Variants in EPHA5 observed in about 807,000 individuals in gnomAD.
The protein encoded by EPHA5 is EPH receptor A5, also known as ephrin type-A receptor 5.
EPHA5 carries 60 observed loss-of-function variants against 105.0 expected under a neutral mutation model. The observed-to-expected ratio is 0.57, with a 90% CI of 0.46 to 0.71. The LOEUF is 0.71. Among genes scored for constraint, EPHA5 ranks in the 30% least tolerant of loss-of-function variants. EPHA5 has a pLI of 0.00. For synonymous variants in EPHA5, 513 were observed against 449.1 expected (o/e 1.14, Z -1.80); for missense variants, 1,218 against 1,274.7 (o/e 0.96, Z 0.68).
intron 9 of EPHA5, among the ~76,000 whole-genome samples, chr4:65,366,266 A>G (rs1383409936): frequency 1.3e-5 from 2 of 151,834 alleles, no homozygotes; most frequent in Non-Finnish European, 2.9e-5. Context: ...AGAAATGCAT[A>G]TGTGATGACA....
At chr4:65,389,451 T>C (rs28447587) in intron 8 of EPHA5, among the ~76,000 whole-genome samples, 1 of 152,016 alleles carries the variant, frequency 6.6e-6, no homozygotes, top group Non-Finnish European at 1.5e-5. Flanking sequence ...TGTGTAATAT[T>C]TCTCCATATT....
chr4:65,542,771 A>AG (rs1369251226), intron 3 of EPHA5, among the ~76,000 whole-genome samples: 1 of 151,160 alleles, frequency 6.6e-6, no homozygotes, highest in Non-Finnish European at 1.5e-5. Context: ...ACAACAAAGA[A>AG]AAAAAAAACT....
chr4:65,648,861 C>CTAA (rs1748354137), intron 1 of EPHA5, among the ~76,000 whole-genome samples: 1 of 152,144 alleles, frequency 6.6e-6, no homozygotes, highest in Non-Finnish European at 1.5e-5. Context: ...TGCTTTCAGG[C>CTAA]TAAATTTTGT....
intron 5 of EPHA5, among the ~76,000 whole-genome samples, chr4:65,456,555 T>A (rs1204430359): frequency 6.6e-6 from 1 of 152,166 alleles, no homozygotes; most frequent in Non-Finnish European, 1.5e-5. Flanking sequence ...GCTGCTTAAT[T>A]TATGATAGGA....
intron 3 of EPHA5, among the ~76,000 whole-genome samples, chr4:65,523,658 A>C (rs935102718): frequency 1.3e-5 from 2 of 152,008 alleles, no homozygotes; most frequent in East Asian, 3.9e-4. Context: ...GAAACCAGGA[A>C]CTATCAGTGA....
chr4:65,398,168 C>T (rs997003978), intron 8 of EPHA5, among the ~76,000 whole-genome samples: 6 of 152,188 alleles, frequency 3.9e-5, no homozygotes, highest in Non-Finnish European at 7.3e-5. Context: ...TCAGAAGGGC[C>T]TGTTACCACT....
At chr4:65,641,150 T>C (rs547930131) in intron 2 of EPHA5, among the ~76,000 whole-genome samples, 2 of 152,106 alleles carry the variant, frequency 1.3e-5, no homozygotes, top group Admixed American at 6.6e-5. Flanking sequence ...CTGGGAAGAG[T>C]CTCCTACTTC....
At chr4:65,485,759 G>A (rs575731748) in intron 5 of EPHA5, among the ~76,000 whole-genome samples, 2 of 152,240 alleles carry the variant, frequency 1.3e-5, no homozygotes, top group African/African-American at 2.4e-5. Flanking sequence ...TTGGAATGCA[G>A]AGAGAAATAC....
At chr4:65,579,154 T>A (rs1741354489) in intron 3 of EPHA5, among the ~76,000 whole-genome samples, 1 of 151,522 alleles carries the variant, frequency 6.6e-6, no homozygotes, top group Non-Finnish European at 1.5e-5. Flanking sequence ...CAAAAAGGCT[T>A]ATGGAAATTA....
chr4:65,391,228 G>T (rs2148955991), intron 8 of EPHA5, among the ~76,000 whole-genome samples: 1 of 152,136 alleles, frequency 6.6e-6, no homozygotes, highest in Non-Finnish European at 1.5e-5. Flanking sequence ...TGAGATTTGG[G>T]TGGGGACACA....
chr4:65,637,457 T>G (rs1238946927), intron 2 of EPHA5, among the ~76,000 whole-genome samples: 1 of 151,250 alleles, frequency 6.6e-6, no homozygotes, highest in Non-Finnish European at 1.5e-5. Flanking sequence ...CTCCTGCCTC[T>G]GGCTTCCTGA....
intron 12 of EPHA5, among the ~76,000 whole-genome samples, 199 bp from the exon 13 acceptor site, chr4:65,351,797 C>T (rs1722845428): frequency 6.6e-6 from 1 of 151,926 alleles, no homozygotes; most frequent in Non-Finnish European, 1.5e-5. Context: ...TTGGTCAAAG[C>T]AGATAAAGGT....
intron 5 of EPHA5, among the ~76,000 whole-genome samples, chr4:65,442,818 T>A (rs973970837): frequency 6.6e-6 from 1 of 152,164 alleles, no homozygotes; most frequent in Non-Finnish European, 1.5e-5. Flanking sequence ...ATAGTCATTA[T>A]GAATTGACAG....
At chr4:65,331,702 A>C in intron 16 of EPHA5, 1 of 1,167,238 alleles carries the variant, frequency 8.6e-7, no homozygotes, top group Non-Finnish European at 1.1e-6. Flanking sequence ...TTTCCACAAC[A>C]CAAAACACCA....
chr4:65,426,436 T>A (rs1393161163), intron 5 of EPHA5, among the ~76,000 whole-genome samples: 2 of 152,158 alleles, frequency 1.3e-5, no homozygotes, highest in Non-Finnish European at 2.9e-5. Context: ...ATTTGTTAAT[T>A]TCTTATTTTT....
chr4:65,353,884 T>C (rs761888536), intron 11 of EPHA5, among the ~76,000 whole-genome samples: 1 of 151,810 alleles, frequency 6.6e-6, no homozygotes, highest in South Asian at 2.1e-4. Flanking sequence ...TCTGTTCTAA[T>C]TGTTATGTGA....
intron 5 of EPHA5, among the ~76,000 whole-genome samples, chr4:65,438,652 AT>A (rs1486077407): frequency 6.6e-6 from 1 of 151,990 alleles, no homozygotes; most frequent in African/African-American, 2.4e-5. Flanking sequence ...GACAAAGAAC[AT>A]TTTAAAAGTG....
chr4:65,617,486 T>A (rs552938130), intron 2 of EPHA5, among the ~76,000 whole-genome samples: 1 of 152,266 alleles, frequency 6.6e-6, no homozygotes, highest in African/African-American at 2.4e-5. Flanking sequence ...TTTCTTTACT[T>A]TTATTGCTTT....
intron 5 of EPHA5, among the ~76,000 whole-genome samples, chr4:65,489,478 T>G (rs1323227740): frequency 6.6e-6 from 1 of 152,194 alleles, no homozygotes; most frequent in Admixed American, 6.5e-5. Flanking sequence ...TACTACACTT[T>G]GGACTGAGAG....
Sources: gnomAD v4.1 joint callset for allele counts (sites outside exome capture counted in the v4.1 genomes callset) on GRCh38, gnomAD v4.1.1 for gene constraint, MANE v1.5 for transcripts, NCBI Gene and HGNC (gene_info 2026-07-23, HGNC 2026-07-21) for gene names.